NHSL2: variants seen among roughly 807,000 people sequenced by gnomAD.
NHSL2 encodes the protein NHS-like protein 2.
NHSL2 carries 27 observed loss-of-function variants against 53.4 expected under a neutral mutation model. The ratio of observed to expected loss-of-function variants is 0.51; its 90% confidence interval spans 0.37 to 0.70. NHSL2 has a LOEUF of 0.70. NHSL2 is among the 30% of genes least tolerant of loss of function. The pLI is 0.00. For missense variants in NHSL2, 892 were observed against 980.1 expected, an observed-to-expected ratio of 0.91 and a Z score of 1.20; for synonymous variants, 408 against 404.1, an observed-to-expected ratio of 1.01 and a Z score of -0.12.
At chrX:71,980,554 G>A (rs1000698419) in intron 1 of NHSL2, among the ~76,000 whole-genome samples, 1 of 13,701 alleles carries the variant, frequency 7.3e-5, no homozygotes, top group Non-Finnish European at 1.8e-4. Flanking sequence ...GTGTGTGTGT[G>A]TGTGGGGTGT....
intron 1 of NHSL2, chrX:72,131,650 T>A: frequency 1.2e-6 from 1 of 813,908 alleles, no homozygotes; most frequent in South Asian, 2.8e-5. Flanking sequence ...GGGACCGAAG[T>A]GCGGCAGCGG....
chrX:72,066,655 T>A (rs1330459800), intron 1 of NHSL2, among the ~76,000 whole-genome samples: 1 of 112,261 alleles, frequency 8.9e-6, no homozygotes, highest in Non-Finnish European at 1.9e-5. Flanking sequence ...TCTCTTTTGT[T>A]GTTCTTCCTC....
rs956767714 is a variant in NHSL2 at position 71,950,857 on chromosome X, G to C, written c.280+39490G>C. Among the ~76,000 whole-genome samples the C allele has an allele frequency of 2.7e-5, 3 of 111,709 alleles. No homozygotes were observed. In the Admixed American group the frequency reaches 2.8e-4, roughly 11 times the overall value. ...TGACATTGAGTAGCAGCCTGTAGCT[G>C]TGATGGGGAGAAAGGTTAATGCTCA... is the stretch of plus-strand genomic sequence containing the variant. On this transcript the variant is annotated intron_variant, in intron 1 of 7. Transcript: ENST00000633930.
chrX:72,028,718 C>G (rs555914251), intron 1 of NHSL2, among the ~76,000 whole-genome samples: 27 of 112,154 alleles, frequency 2.4e-4, no homozygotes, highest in African/African-American at 8.4e-4. Flanking sequence ...AGATTTGGGC[C>G]TGGGTCCCAA....
At chrX:72,113,263 T>A (rs1311183204) in intron 1 of NHSL2, among the ~76,000 whole-genome samples, 1 of 111,616 alleles carries the variant, frequency 9.0e-6, no homozygotes, top group Non-Finnish European at 1.9e-5. Flanking sequence ...GGTTGCTGTG[T>A]GGGAAACAGA....
intron 1 of NHSL2, chrX:72,131,060 C>A (rs2042290036): frequency 8.3e-7 from 1 of 1,210,311 alleles, no homozygotes; most frequent in African/African-American, 1.7e-5. Context: ...GCCAGGTAGA[C>A]TGGGTCTCCT....
chrX:72,071,540 G>A (rs924973471), intron 1 of NHSL2, among the ~76,000 whole-genome samples: 1 of 111,509 alleles, frequency 9.0e-6, no homozygotes, highest in Admixed American at 9.5e-5. Flanking sequence ...GCCTCTGGCA[G>A]CACGAGGAGG....
At chrX:72,089,796 A>T (rs1172908542) in intron 1 of NHSL2, among the ~76,000 whole-genome samples, 2 of 110,876 alleles carry the variant, frequency 1.8e-5, no homozygotes, top group East Asian at 5.6e-4. Context: ...GGGACTTGTT[A>T]TCCTGCCTCT....
intron 1 of NHSL2, among the ~76,000 whole-genome samples, chrX:72,108,714 T>C (rs2042066159): frequency 8.9e-6 from 1 of 112,109 alleles, no homozygotes; most frequent in Non-Finnish European, 1.9e-5. Context: ...GGCTTTCTAG[T>C]TCCAGAAATT....
intron 1 of NHSL2, among the ~76,000 whole-genome samples, chrX:71,999,994 T>C (rs1329083621): frequency 8.9e-6 from 1 of 112,520 alleles, no homozygotes; most frequent in Non-Finnish European, 1.9e-5. Context: ...ATGGAATTTA[T>C]AATAAAGAGT....
chrX:72,073,279 G>A (rs1453566946), intron 1 of NHSL2, among the ~76,000 whole-genome samples: 1 of 110,398 alleles, frequency 9.1e-6, no homozygotes, highest in East Asian at 2.8e-4. Context: ...GGGGGGGAGC[G>A]GGGCAGTCGC....
At chrX:71,991,998 C>A (rs1301181946) in intron 1 of NHSL2, among the ~76,000 whole-genome samples, 1 of 112,997 alleles carries the variant, frequency 8.8e-6, no homozygotes, top group African/African-American at 3.2e-5. Context: ...TCTGCCTGGC[C>A]ACAGGCAGGC....
intron 1 of NHSL2, among the ~76,000 whole-genome samples, chrX:72,119,570 A>G (rs2042166317): frequency 8.9e-6 from 1 of 112,603 alleles, no homozygotes; most frequent in African/African-American, 3.2e-5. Flanking sequence ...CATTGCAAGT[A>G]TACAGAAATA....
chrX:72,069,146 A>G (rs896017122), intron 1 of NHSL2, among the ~76,000 whole-genome samples: 13 of 112,167 alleles, frequency 1.2e-4, no homozygotes, highest in African/African-American at 4.2e-4. Flanking sequence ...CGCTCCTGCA[A>G]GCTTCTGCAG....
intron 1 of NHSL2, among the ~76,000 whole-genome samples, chrX:72,065,198 G>A (rs1424560357): frequency 8.9e-6 from 1 of 111,987 alleles, no homozygotes; most frequent in Admixed American, 9.4e-5. Context: ...GGAGGAAGGA[G>A]AGGAAGGAAG....
chrX:72,134,233 C>T lies in NHSL2; in HGVS notation c.564+15C>T. The T allele has an allele frequency of 2.6e-6, 3 of 1,160,921 alleles. No homozygotes were observed. Among genetic ancestry groups the T allele is most frequent in the Non-Finnish European group, 2.3e-6 (2 of 868,094 alleles). On this transcript the variant is annotated intron_variant, in intron 3 of 7. Transcript: ENST00000633930. ...TTATATTGATGGTGAGTTGCCTCATCCCCCACCTGGGAGAGCCAGCATGCA... is the reference window on the plus strand; with the variant it reads ...TTATATTGATGGTGAGTTGCCTCATTCCCCACCTGGGAGAGCCAGCATGCA...
In NHSL2 at chrX:71,976,712, C is replaced by T. The variant is rs374561022; in HGVS notation, c.280+65345C>T. The stretch of plus-strand genomic sequence containing the variant: ...GCTAAGTGTCCTGCCCAAGGCCTCC[C>T]GACCTGGAAGTGGAGGAAGCAGGAT... On this transcript the variant is annotated intron_variant, in intron 1 of 7. Transcript: ENST00000633930. 7.1e-5 allele frequency among the ~76,000 whole-genome samples: 8 copies of T among 112,318 alleles called. No homozygotes were observed. The East Asian group carries it at 8.4e-4, about 12-fold the overall frequency.
At chrX:72,133,211 G>A (rs1417514037) in intron 2 of NHSL2, among the ~76,000 whole-genome samples, 1 of 112,480 alleles carries the variant, frequency 8.9e-6, no homozygotes, top group Non-Finnish European at 1.9e-5. Context: ...GTCCGTGGAA[G>A]AAATGAGCTG....
chrX:72,084,708 C>G (rs1191653370), intron 1 of NHSL2, among the ~76,000 whole-genome samples: 1 of 112,307 alleles, frequency 8.9e-6, no homozygotes, highest in Non-Finnish European at 1.9e-5. Context: ...GGGCACACAT[C>G]ACAGTGTCCA....
Sources: allele counts gnomAD v4.1 joint callset (sites outside exome capture counted in the v4.1 genomes callset), GRCh38; gene constraint gnomAD v4.1.1; transcripts MANE v1.5; gene names NCBI Gene and HGNC (gene_info 2026-07-23, HGNC 2026-07-21).